Variants in RAD51B observed in about 807,000 individuals in gnomAD.
RAD51B encodes DNA repair protein RAD51 homolog 2.
A neutral mutation model predicts 42.2 loss-of-function variants in RAD51B; 38 were observed. That is an observed-to-expected ratio of 0.90 (90% CI 0.70 to 1.18). The LOEUF (loss-of-function observed/expected upper bound fraction) is 1.18, where lower values mean the gene tolerates loss of function less well. Among genes scored for constraint, RAD51B ranks in the 50% most tolerant of loss-of-function variants. The pLI is 0.00. For missense variants in RAD51B, 373 were observed against 400.7 expected (o/e 0.93, Z 0.59); for synonymous variants, 154 against 145.2 (o/e 1.06, Z -0.43).
rs1213762106 is a variant in RAD51B, at chr14:67,825,436, T to G, written c.85-28T>G. ...TAGTATCTTTGTTACACATATATGT[T>G]TAAAATACTCTCTTTATGTTTCTTT... On this transcript the variant is annotated intron_variant, in intron 2 of 10. Coordinates refer to ENST00000471583, the MANE Select transcript of RAD51B (RefSeq NM_133510.4). 9.9e-6 allele frequency: 15 copies of G among 1,510,682 alleles called. No homozygotes were observed. The South Asian group carries it at 1.6e-4, about 16-fold the overall frequency. The allele number at this position is 1,510,682 out of a possible 1,614,324, so 93.6% of individuals were successfully genotyped here. A position where few individuals can be genotyped will look rare whatever the true frequency, so the allele number is the denominator to read the frequency against.
intron 7 of RAD51B, among the ~76,000 whole-genome samples, chr14:68,175,131 A>G (rs2078939935): frequency 6.6e-6 from 1 of 152,180 alleles, no homozygotes; most frequent in Non-Finnish European, 1.5e-5. Context: ...GACGTACCAC[A>G]TTCTTCCCCA....
At chr14:68,276,611 T>C (rs1288412094) in intron 7 of RAD51B, among the ~76,000 whole-genome samples, 1 of 152,172 alleles carries the variant, frequency 6.6e-6, no homozygotes, top group Non-Finnish European at 1.5e-5. Context: ...GAGCCAGGTT[T>C]TCTATTTCAG....
At chr14:68,141,695 G>A (rs773949076) in intron 7 of RAD51B, among the ~76,000 whole-genome samples, 15 of 152,048 alleles carry the variant, frequency 9.9e-5, no homozygotes, top group Middle Eastern at 3.2e-3. Context: ...ATCTTATTTC[G>A]ACACAACAAT....
At chr14:68,214,024 T>C (rs2079764020) in intron 7 of RAD51B, among the ~76,000 whole-genome samples, 1 of 152,170 alleles carries the variant, frequency 6.6e-6, no homozygotes, top group Non-Finnish European at 1.5e-5. Flanking sequence ...TATTAGAGAA[T>C]GTGGCCTGAT....
intron 7 of RAD51B, among the ~76,000 whole-genome samples, chr14:67,958,334 A>G (rs2074592399): frequency 6.6e-6 from 1 of 152,238 alleles, no homozygotes; most frequent in African/African-American, 2.4e-5. Flanking sequence ...AGTGGAACTC[A>G]GAAGTGGAGT....
At chr14:67,925,767 T>C (rs1185240543) in intron 7 of RAD51B, among the ~76,000 whole-genome samples, 2 of 152,168 alleles carry the variant, frequency 1.3e-5, no homozygotes, top group African/African-American at 2.4e-5. Context: ...TCTTCTGAAA[T>C]CTAGGCGGAG....
chr14:68,479,503 T>A (rs901762968), downstream of RAD51B, among the ~76,000 whole-genome samples: 2 of 152,090 alleles, frequency 1.3e-5, no homozygotes, highest in Non-Finnish European at 2.9e-5. Flanking sequence ...CAGAGAAGAA[T>A]CTGAACAAAC....
intron 9 of RAD51B, among the ~76,000 whole-genome samples, chr14:68,436,513 G>T (rs781323083): frequency 2.0e-5 from 3 of 152,012 alleles, no homozygotes; most frequent in Non-Finnish European, 4.4e-5. Context: ...GCTGCTTTTT[G>T]GTTCCATGTG....
intron 10 of RAD51B, among the ~76,000 whole-genome samples, chr14:68,515,443 CTTT>C (rs59782915): frequency 3.0e-4 from 16 of 52,704 alleles, no homozygotes; most frequent in South Asian, 5.6e-4. Context: ...TCTTCTTCTT[CTTT>C]TTTTTTTTTT....
intron 7 of RAD51B, among the ~76,000 whole-genome samples, chr14:68,125,753 TG>T (rs147281921): frequency 0.1 from 15,108 of 150,836 alleles, 2,306 homozygotes; most frequent in African/African-American, 0.33. Context: ...TGTTTTGTTT[TG>T]TTTTGTTTTT....
chr14:67,842,096 C>T (rs1009205663), intron 4 of RAD51B, among the ~76,000 whole-genome samples: 1 of 152,076 alleles, frequency 6.6e-6, no homozygotes, highest in African/African-American at 2.4e-5. Context: ...TTCCAAAGAT[C>T]GTTCACCTCC....
rs575183773 is a variant in RAD51B, at chr14:68,497,676, G to A, written c.1036+29426G>A. 5 of 408,988 alleles carry A rather than the reference G, an allele frequency of 1.2e-5. No individual in the cohort carries two copies. The South Asian group carries it at 5.6e-4, about 46-fold the overall frequency. 25.3% of individuals were successfully genotyped at this position (408,988 alleles called of 1,614,324 possible). On this transcript the variant is annotated intron_variant, in intron 10 of 10. Transcript: ENST00000487270. ...AGCAAGACCCATAACCATTATGCAA[G>A]TGTTCCTATTTCCCCCTCCTCCCAG... is the stretch of plus-strand genomic sequence containing the variant.
chr14:68,603,862 C>T (rs909884326), intron 10 of RAD51B, among the ~76,000 whole-genome samples: 2 of 152,206 alleles, frequency 1.3e-5, no homozygotes, highest in South Asian at 2.1e-4. Context: ...AGGCTACCTC[C>T]GTGCCAGACG....
chr14:67,843,011 G>A (rs2140311995), intron 4 of RAD51B, among the ~76,000 whole-genome samples: 1 of 152,204 alleles, frequency 6.6e-6, no homozygotes, highest in South Asian at 2.1e-4. Context: ...TGCGTCTCAG[G>A]AATAAAGCTT....
intron 7 of RAD51B, among the ~76,000 whole-genome samples, chr14:68,034,381 C>G (rs2076090773): frequency 6.6e-6 from 1 of 151,978 alleles, no homozygotes; most frequent in Non-Finnish European, 1.5e-5. Flanking sequence ...AAGCAATCCT[C>G]CTACTTCAGG....
intron 8 of RAD51B, among the ~76,000 whole-genome samples, chr14:68,371,014 G>A (rs1313540321): frequency 2.0e-5 from 2 of 101,360 alleles, no homozygotes; most frequent in Middle Eastern, 0.011. Context: ...TCCAGCCTGG[G>A]CAACAGAGCA....
At chr14:68,110,615 A>G (rs1290227728) in intron 7 of RAD51B, among the ~76,000 whole-genome samples, 2 of 152,114 alleles carry the variant, frequency 1.3e-5, no homozygotes, top group Non-Finnish European at 2.9e-5. Flanking sequence ...AAACACCCTA[A>G]TAACATTATT....
At chr14:68,535,691 T>C (rs1701024781) in intron 10 of RAD51B, among the ~76,000 whole-genome samples, 1 of 152,036 alleles carries the variant, frequency 6.6e-6, no homozygotes, top group South Asian at 2.1e-4. Flanking sequence ...AGTGGAAAAG[T>C]AAAGGAACAT....
chr14:67,913,907 C>T (rs1384917457), intron 7 of RAD51B, among the ~76,000 whole-genome samples: 2 of 152,032 alleles, frequency 1.3e-5, no homozygotes, highest in Non-Finnish European at 2.9e-5. Context: ...CATAAACCAT[C>T]CCCACTTCTC....
Sources: gnomAD v4.1 joint callset for allele counts (sites outside exome capture counted in the v4.1 genomes callset) on GRCh38, gnomAD v4.1.1 for gene constraint, MANE v1.5 for transcripts, NCBI Gene and HGNC (gene_info 2026-07-23, HGNC 2026-07-21) for gene names.